The following SLX4 variants were observed in gnomAD, a reference collection of about 807,000 sequenced individuals.
SLX4 encodes structure-specific endonuclease subunit SLX4.
Under a neutral mutation model 146.2 loss-of-function variants are expected in SLX4, and 112 were observed. That is an observed-to-expected ratio of 0.77 (90% CI 0.66 to 0.90). SLX4 has a LOEUF of 0.90. Among genes scored for constraint, SLX4 ranks in the 40% least tolerant of loss-of-function variants. The pLI, the probability that SLX4 is intolerant of heterozygous loss-of-function variation, is 0.00. For synonymous variants in SLX4, 1,061 were observed against 997.7 expected, an observed-to-expected ratio of 1.06 and a Z score of -1.20; for missense variants, 2,563 against 2,392.7, an observed-to-expected ratio of 1.07 and a Z score of -1.49.
chr16:3,592,642 G>A (rs2040605488), intron 11 of SLX4, 57 bp downstream of exon 11: 1 of 1,573,364 alleles, frequency 6.4e-7, no homozygotes, highest in African/African-American at 1.3e-5. Flanking sequence ...ACCCTCCAGA[G>A]CTGTTAACCT....
At chr16:3,591,376 G>A in intron 11 of SLX4, 66 bp from the exon 12 acceptor site, 1 of 1,595,678 alleles carries the variant, frequency 6.3e-7, no homozygotes, top group Non-Finnish European at 8.5e-7. Flanking sequence ...TGCCCCGGTG[G>A]GGTGGCGGAC....
intron 2 of SLX4, among the ~76,000 whole-genome samples, chr16:3,607,236 A>G (rs1325637054): frequency 6.6e-6 from 1 of 152,146 alleles, no homozygotes; most frequent in East Asian, 1.9e-4. Flanking sequence ...AACCATGCAT[A>G]GATTTCATCC....
Position 3,595,553 on chromosome 16 carries a change from T to C in SLX4, c.2013+52A>G, listed in dbSNP as rs369769358. 10 of 1,602,704 alleles carry C rather than the reference T, an allele frequency of 6.2e-6. No homozygotes were observed. In the African/African-American group the frequency reaches 9.4e-5, roughly 15 times the overall value. Reference sequence around the variant, plus strand: ...CGGTGAGCCAACCCCACCACACACATGGCAAGTGGGATGGCCGGGACCAGA... The same window carrying C: ...CGGTGAGCCAACCCCACCACACACACGGCAAGTGGGATGGCCGGGACCAGA... On this transcript the variant is annotated intron_variant, in intron 9 of 14. Coordinates refer to ENST00000294008, the MANE Select transcript of SLX4 (RefSeq NM_032444.4).
chr16:3,605,805 G>A (rs1294896598), intron 3 of SLX4, among the ~76,000 whole-genome samples: 1 of 151,980 alleles, frequency 6.6e-6, no homozygotes, highest in Non-Finnish European at 1.5e-5. Context: ...AAATTAGCCA[G>A]GCGTGGTGGT....
Position 3,589,419 on chromosome 16 carries a change from G to A in SLX4, c.4219C>T (p.His1407Tyr). The change falls in exon 12 of 15, where the codon CAT becomes TAT. Residue 1407 changes from histidine to tyrosine, a missense_variant. Physicochemically the swap from His to Tyr is moderately conservative, Grantham distance 83. Transcript: ENST00000294008. The surrounding 1 kb of genome is among the most constrained non-coding windows in gnomAD (Gnocchi z 6.2). ...DSDDEQEVASHQANRSPPLDS... is the reference protein window; with the variant it reads ...DSDDEQEVASYQANRSPPLDS... ...AGTGGGGGGCTTCTGTTGGCCTGATGGGAGGCCACCTCCTGCTCATCGTCA... is the reference window on the plus strand; with the variant it reads ...AGTGGGGGGCTTCTGTTGGCCTGATAGGAGGCCACCTCCTGCTCATCGTCA... The A allele has an allele frequency of 6.2e-7, 1 of 1,602,532 alleles. No individual in the cohort carries two copies. The highest frequency in any genetic ancestry group is 8.5e-7 in the Non-Finnish European group (1 of 1,171,422).
chr16:3,590,083 G>A lies in SLX4; in HGVS notation c.3555C>T (p.Ser1185=), dbSNP rs759621251. Residue 1185 remains serine (S), a synonymous_variant, in exon 12 of 15, where the codon AGC becomes AGT. Coordinates refer to ENST00000294008, the MANE Select transcript of SLX4 (RefSeq NM_032444.4). The surrounding 1 kb of genome is among the most constrained non-coding windows in gnomAD (Gnocchi z 4.8). ...TGGAAAACAGCTCACAGGACCTAGG[G>A]CTAATTTCTAGAGCTTTCTTTTCTT... The part of the protein sequence containing the change: ...PLEEKKALEI[S]PRSCELFSII... The A allele has an allele frequency of 2.5e-6, 4 of 1,614,166 alleles. No individual in the cohort carries two copies. Among genetic ancestry groups the A allele is most frequent in the Middle Eastern group, 3.3e-4 (2 of 6,062 alleles).
intron 8 of SLX4, among the ~76,000 whole-genome samples, chr16:3,595,946 G>A (rs1437998507): frequency 2.0e-5 from 3 of 152,190 alleles, no homozygotes; most frequent in Non-Finnish European, 2.9e-5. Context: ...TCTGTCTTTG[G>A]TTAAAGTGGA....
intron 12 of SLX4, among the ~76,000 whole-genome samples, chr16:3,587,444 C>A (rs777511613): frequency 6.6e-6 from 1 of 152,092 alleles, no homozygotes; most frequent in Non-Finnish European, 1.5e-5. Flanking sequence ...TGCAGTGAGC[C>A]GAGATAGCCC....
chr16:3,592,741 A>C lies in SLX4; in HGVS notation c.2285T>G (p.Leu762Arg). The C allele has an allele frequency of 6.2e-7, 1 of 1,613,434 alleles. No homozygotes were observed. The highest frequency in any genetic ancestry group is 8.5e-7 in the Non-Finnish European group (1 of 1,180,012). ...LHYLYTADTGLPPGLSSELSS... is the reference protein window; with the variant it reads ...LHYLYTADTGRPPGLSSELSS... ...CAGCTCAGAGCTAAGGCCAGGAGGA[A>C]GGCCAGTGTCCGCAGTGTAGAGATA... The change falls in exon 11 of 15, where the codon CTT becomes CGT. Residue 762 changes from leucine (L) to arginine (R), a missense_variant. Physicochemically the swap from Leu to Arg is moderately radical, Grantham distance 102 (BLOSUM62 -2). Transcript: ENST00000294008.
intron 12 of SLX4, among the ~76,000 whole-genome samples, chr16:3,586,511 A>AC (rs771480869): frequency 1.3e-5 from 2 of 151,874 alleles, no homozygotes; most frequent in African/African-American, 2.4e-5. Flanking sequence ...ACAGAGCAAG[A>AC]CCCCTGACTC....
rs1356071644 is a variant in SLX4 at position 3,596,295 on chromosome 16, G to A, written c.1782C>T (p.Gly594=). The A allele has an allele frequency of 2.4e-5, 37 of 1,573,638 alleles. No homozygotes were observed. The highest frequency in any genetic ancestry group is 3.1e-5 in the Non-Finnish European group (36 of 1,160,154). The change falls in exon 8 of 15, where the codon GGC becomes GGT. Residue 594 remains glycine (G), a synonymous_variant. Transcript: ENST00000294008. ...SPALHGTPTA[G]CGSRGPSPSA... is the part of the protein sequence containing the mutation. ...AAGGCGACGGGCCCCTGGAGCCACA[G>A]CCTGCAGTGGGGGTGCCGTGGAGAG...
intron 10 of SLX4, 33 bp downstream of exon 10, chr16:3,594,420 G>A (rs1374446903): frequency 6.3e-7 from 1 of 1,598,674 alleles, no homozygotes; most frequent in East Asian, 2.3e-5. Flanking sequence ...GGAGAGAGAG[G>A]AAAGGAGGGC....
At chr16:3,586,249 A>G (rs1380728484) in intron 12 of SLX4, among the ~76,000 whole-genome samples, 2 of 152,160 alleles carry the variant, frequency 1.3e-5, no homozygotes, top group Non-Finnish European at 2.9e-5. Context: ...CCGTGTGTCC[A>G]CTAGTAGATG....
chr16:3,611,060 A>C (rs559688146), intron 1 of SLX4, among the ~76,000 whole-genome samples: 30 of 152,352 alleles, frequency 2.0e-4, no homozygotes, highest in African/African-American at 7.0e-4. Flanking sequence ...ACTGAATGAC[A>C]TAACGGATCC....
intron 13 of SLX4, among the ~76,000 whole-genome samples, chr16:3,583,712 A>C (rs2040471797): frequency 6.6e-6 from 1 of 152,210 alleles, no homozygotes; most frequent in African/African-American, 2.4e-5. Flanking sequence ...TTCCAAAAGA[A>C]ACATTGCCAG....
chr16:3,582,298 G>T lies in SLX4; in HGVS notation c.*44C>A. ...GGTCCTCCCTGCAAATGGCGGGGGT[G>T]GGGGCTGCTGATGGCAGGTTGGGGT... On this transcript the variant is annotated 3_prime_UTR_variant, in exon 15 of 15. Coordinates refer to ENST00000294008, the MANE Select transcript of SLX4 (RefSeq NM_032444.4). The T allele has an allele frequency of 6.4e-7, 1 of 1,555,570 alleles. No homozygotes were observed.
In SLX4 at chr16:3,581,659, G is replaced by C; in HGVS notation, c.*683C>G. 6.5e-6 allele frequency: 1 copy of C among 154,844 alleles called. No homozygotes were observed. Among genetic ancestry groups the C allele is most frequent in the African/African-American group, 2.4e-5 (1 of 41,472 alleles). 9.6% of individuals were successfully genotyped at this position (154,844 alleles called of 1,614,324 possible). ...GTGCCCAGGACTGGTGGGCTCAGAG[G>C]GTGGCAAATGTGGCAGAATAGGCCA... On this transcript the variant is annotated 3_prime_UTR_variant, in exon 15 of 15. Transcript: ENST00000294008.
Position 3,597,432 on chromosome 16 carries a change from C to T in SLX4, c.1630G>A (p.Asp544Asn), listed in dbSNP as rs773395054. 4 of 1,608,270 alleles carry T rather than the reference C, an allele frequency of 2.5e-6. No individual in the cohort carries two copies. In the African/African-American group the frequency reaches 5.3e-5, roughly 21 times the overall value. The change falls in exon 7 of 15, where the codon GAC becomes AAC. Residue 544 changes from aspartate to asparagine, a missense_variant. Asp to Asn is a conservative substitution (Grantham distance 23, BLOSUM62 1). Coordinates refer to ENST00000294008, the MANE Select transcript of SLX4 (RefSeq NM_032444.4). This position sits in a 1 kb window ranked among gnomAD's most constrained non-coding sequence, Gnocchi z 4.4. ...SALTGAWAME[D>N]FYTARLVPPL... The stretch of plus-strand genomic sequence containing the variant: ...GGGACCAGCCTGGCCGTGTAGAAGT[C>T]CTCCATGGCCCAGGCCCCAGTCAGT...
In SLX4 at chr16:3,582,083, TG is replaced by T. The variant is rs1389928304; in HGVS notation, c.*258del. 1.8e-6 allele frequency: 1 copy of T among 563,912 alleles called. No homozygotes were observed. Among genetic ancestry groups the T allele is most frequent in the African/African-American group, 1.9e-5 (1 of 53,036 alleles). 34.9% of individuals were successfully genotyped at this position (563,912 alleles called of 1,614,324 possible). ...GAAAACCAAAAAGGGAGACACACTG[TG>T]AGCACGGACAGAGGAAGGGGCTGGA... On this transcript the variant is annotated 3_prime_UTR_variant, in exon 15 of 15. Coordinates refer to ENST00000294008, the MANE Select transcript of SLX4 (RefSeq NM_032444.4).
Sources: gnomAD v4.1 joint callset for allele counts (sites outside exome capture counted in the v4.1 genomes callset) on GRCh38, gnomAD v4.1.1 for gene constraint, Gnocchi (gnomAD v3.1) non-coding constraint, MANE v1.5 for transcripts, NCBI Gene and HGNC (gene_info 2026-07-23, HGNC 2026-07-21) for gene names.